Variants in AAK1 observed in about 807,000 individuals in gnomAD.
AAK1 encodes AP2 associated kinase 1, also known as AP2-associated protein kinase 1.
A neutral mutation model predicts 116.0 loss-of-function variants in AAK1; 37 were observed. The ratio of observed to expected loss-of-function variants is 0.32; its 90% CI spans 0.25 to 0.42. The LOEUF (loss-of-function observed/expected upper bound fraction) is 0.42. Among genes scored for constraint, AAK1 ranks in the 10% least tolerant of loss-of-function variants. AAK1 has a pLI of 1.00. For missense variants in AAK1, 919 were observed against 1,170.6 expected (o/e 0.79, Z 3.14); for synonymous variants, 458 against 439.9 (o/e 1.04, Z -0.51).
intron 2 of AAK1, among the ~76,000 whole-genome samples, chr2:69,557,445 G>C (rs181575018): frequency 5.9e-5 from 9 of 152,078 alleles, no homozygotes; most frequent in Admixed American, 2.6e-4. Flanking sequence ...GGGATTACAG[G>C]TGTACACCAC....
chr2:69,514,353 C>T (rs547973961), intron 13 of AAK1, 118 bp downstream of exon 13: 2 of 1,316,438 alleles, frequency 1.5e-6, no homozygotes, highest in African/African-American at 1.5e-5. Flanking sequence ...ATTGAACCAC[C>T]CAGGTGGGAA....
chr2:69,587,506 C>A (rs1368930559), intron 2 of AAK1, among the ~76,000 whole-genome samples: 2 of 150,926 alleles, frequency 1.3e-5, no homozygotes, highest in African/African-American at 2.4e-5. Flanking sequence ...GCTCTTGTTG[C>A]CCAGGCTGGA....
chr2:69,583,054 A>G (rs956069985), intron 2 of AAK1, among the ~76,000 whole-genome samples: 1 of 152,254 alleles, frequency 6.6e-6, no homozygotes, highest in Admixed American at 6.5e-5. Context: ...AAGAACCATC[A>G]GGAGTCAGGA....
intron 16 of AAK1, among the ~76,000 whole-genome samples, chr2:69,500,698 T>TATATAC: frequency 0.014 from 883 of 64,948 alleles, 4 homozygotes; most frequent in Non-Finnish European, 0.016. Flanking sequence ...TATATATATA[T>TATATAC]ACACACACAC....
chr2:69,594,775 C>T (rs2105178785), intron 2 of AAK1: 1 of 1,027,268 alleles, frequency 9.7e-7, no homozygotes, highest in South Asian at 1.3e-5. Flanking sequence ...TCTCTTCTTA[C>T]CTCCTCCCAG....
chr2:69,629,102 A>G (rs1404556763), intron 2 of AAK1, among the ~76,000 whole-genome samples: 1 of 152,224 alleles, frequency 6.6e-6, no homozygotes, highest in Non-Finnish European at 1.5e-5. Context: ...TAGAGGGTAT[A>G]CAGCCAATCC....
At chr2:69,488,237 G>T (rs1212154000) in intron 17 of AAK1, among the ~76,000 whole-genome samples, 2 of 151,838 alleles carry the variant, frequency 1.3e-5, no homozygotes, top group Non-Finnish European at 2.9e-5. Context: ...GTACCTGAGT[G>T]ATGGGATCAG....
intron 2 of AAK1, among the ~76,000 whole-genome samples, chr2:69,601,985 C>A (rs1673600905): frequency 2.0e-5 from 3 of 152,160 alleles, no homozygotes; most frequent in Admixed American, 2.0e-4. Context: ...GCATCAGGAC[C>A]TCTTGTTATG....
Position 69,514,706 on chromosome 2 carries a change from T to G in AAK1, c.1541A>C (p.Gln514Pro). ...GCCTCCTTGGGACACCACAGGGAAC[T>G]GAGCAATTGCTGGTTTCTGGGTTGC... Reference protein sequence around the residue: ...HPATQKPAIAQFPVVSQGGSQ... With the variant: ...HPATQKPAIAPFPVVSQGGSQ... The change falls in exon 13 of 22, where the codon CAG becomes CCG. Residue 514 changes from glutamine (Q) to proline (P), a missense_variant. Gln to Pro is a moderately conservative substitution (Grantham distance 76, BLOSUM62 -1). This residue lies in a region of AAK1 where 214 missense variants were observed against 210.6 expected (regional missense o/e 1.02). Transcript: ENST00000409085. 6.2e-7 allele frequency: 1 copy of G among 1,611,426 alleles called. No individual in the cohort carries two copies.
At chr2:69,551,972 G>A (rs1671200913) in intron 3 of AAK1, among the ~76,000 whole-genome samples, 1 of 152,298 alleles carries the variant, frequency 6.6e-6, no homozygotes, top group East Asian at 1.9e-4. Flanking sequence ...GCTTCTTTGA[G>A]TATGAACACC....
chr2:69,626,106 C>T (rs1387256557), intron 2 of AAK1, among the ~76,000 whole-genome samples: 2 of 152,110 alleles, frequency 1.3e-5, no homozygotes, highest in African/African-American at 4.8e-5. Flanking sequence ...ACGACCTCAC[C>T]CATGACCTCC....
At chr2:69,634,619 T>C (rs1046530704) in intron 2 of AAK1, among the ~76,000 whole-genome samples, 1 of 152,180 alleles carries the variant, frequency 6.6e-6, no homozygotes, top group Non-Finnish European at 1.5e-5. Flanking sequence ...CAAAAGGCAA[T>C]TACATATCTC....
Position 69,526,109 on chromosome 2 carries a change from G to A in AAK1, c.976-997C>T, listed in dbSNP as rs76518396. 6.7e-3 allele frequency among the ~76,000 whole-genome samples: 1,020 copies of A among 152,270 alleles called. 21 individuals carry two copies. Among genetic ancestry groups the A allele is most frequent in the East Asian group, 0.012 (64 of 5,188 alleles). ...GACTTCTGTGACTGTTAAGACTGTA[G>A]AAAAACTGAGCTGGTCCGGTTTGCT... is the stretch of plus-strand genomic sequence containing the variant. On this transcript the variant is annotated intron_variant, in intron 9 of 21. Coordinates refer to ENST00000409085, the MANE Select transcript of AAK1 (RefSeq NM_014911.5).
intron 17 of AAK1, among the ~76,000 whole-genome samples, chr2:69,490,559 C>A (rs560408622): frequency 6.6e-6 from 1 of 150,822 alleles, no homozygotes; most frequent in South Asian, 2.1e-4. Flanking sequence ...AAGCCAGTCA[C>A]AAAAGGACAA....
chr2:69,634,062 C>T (rs1309908689), intron 2 of AAK1, among the ~76,000 whole-genome samples: 2 of 152,018 alleles, frequency 1.3e-5, no homozygotes, highest in Non-Finnish European at 2.9e-5. Context: ...TCCAGCTACT[C>T]GAGAGGCTGA....
intron 20 of AAK1, among the ~76,000 whole-genome samples, chr2:69,477,565 AG>A (rs1674901725): frequency 6.6e-6 from 1 of 150,908 alleles, no homozygotes; most frequent in African/African-American, 2.4e-5. Flanking sequence ...GGCCTCAAGT[AG>A]AAGTTTGTTA....
intron 16 of AAK1, among the ~76,000 whole-genome samples, chr2:69,498,857 G>T (rs554309336): frequency 3.8e-4 from 58 of 152,324 alleles, no homozygotes; most frequent in African/African-American, 1.4e-3. Flanking sequence ...CATGTGTGAT[G>T]CTTACCATTC....
chr2:69,485,897 G>T (rs1212130157), intron 17 of AAK1, among the ~76,000 whole-genome samples: 1 of 151,848 alleles, frequency 6.6e-6, no homozygotes, highest in African/African-American at 2.4e-5. Flanking sequence ...GACCTCAGGT[G>T]ATCCACCCAC....
At chr2:69,629,724 G>C (rs1270582668) in intron 2 of AAK1, among the ~76,000 whole-genome samples, 1 of 152,138 alleles carries the variant, frequency 6.6e-6, no homozygotes, top group African/African-American at 2.4e-5. Flanking sequence ...TATTCATCCA[G>C]TTAATTCATT....
Sources: gnomAD v4.1 joint callset for allele counts (sites outside exome capture counted in the v4.1 genomes callset) on GRCh38, gnomAD v4.1.1 for gene constraint, gnomAD v4.1.1 regional missense constraint, MANE v1.5 for transcripts, NCBI Gene and HGNC (gene_info 2026-07-23, HGNC 2026-07-21) for gene names.